The following FRMD4A variants were observed in gnomAD, a reference collection of about 807,000 sequenced individuals.
FRMD4A encodes FERM domain containing 4A.
A neutral mutation model predicts 129.1 loss-of-function variants in FRMD4A; 29 were observed. The observed-to-expected ratio is 0.22, with a 90% confidence interval of 0.17 to 0.31. The LOEUF (loss-of-function observed/expected upper bound fraction) is 0.31, where lower values mean the gene tolerates loss of function less well. Ranked by LOEUF, FRMD4A falls within the 10% of genes least tolerant of loss-of-function variation. The probability of loss-of-function intolerance (pLI) is 1.00; values close to 1 mark genes in which losing one functional copy is unlikely to be tolerated. For missense variants in FRMD4A, 1,272 were observed against 1,375.8 expected (o/e 0.92, Z 1.19); for synonymous variants, 634 against 571.6 (o/e 1.11, Z -1.56).
intron 12 of FRMD4A, among the ~76,000 whole-genome samples, chr10:13,724,794 G>A (rs2089762928): frequency 6.6e-6 from 1 of 152,228 alleles, no homozygotes. Flanking sequence ...GCCTTTCTCA[G>A]TGCTGGTCCA....
intron 2 of FRMD4A, among the ~76,000 whole-genome samples, chr10:13,980,671 G>A (rs1223959409): frequency 6.6e-6 from 1 of 152,190 alleles, no homozygotes; most frequent in East Asian, 1.9e-4. Flanking sequence ...AGTGAGCTAT[G>A]ATTGCACCAC....
At chr10:14,298,989 T>C (rs1363409343) in intron 2 of FRMD4A, among the ~76,000 whole-genome samples, 2 of 152,172 alleles carry the variant, frequency 1.3e-5, no homozygotes, top group African/African-American at 4.8e-5. Context: ...AAAAAGAGTT[T>C]GCCAAAGGAT....
chr10:14,315,292 C>G (rs1846697762), intron 2 of FRMD4A, among the ~76,000 whole-genome samples: 1 of 152,170 alleles, frequency 6.6e-6, no homozygotes. Flanking sequence ...CTAACCACAG[C>G]TACATACCTC....
At chr10:13,996,118 G>A (rs1177850425) in intron 2 of FRMD4A, among the ~76,000 whole-genome samples, 2 of 152,208 alleles carry the variant, frequency 1.3e-5, no homozygotes, top group Non-Finnish European at 2.9e-5. Context: ...CTCACATGGT[G>A]GAAGGGACTA....
intron 3 of FRMD4A, among the ~76,000 whole-genome samples, chr10:13,818,555 A>G (rs1327796651): frequency 1.3e-5 from 2 of 152,146 alleles, no homozygotes; most frequent in Non-Finnish European, 2.9e-5. Context: ...CACCCATTCG[A>G]AAAAACTTGA....
intron 24 of FRMD4A, 85 bp downstream of exon 24, chr10:13,651,818 T>C: frequency 1.3e-6 from 1 of 776,126 alleles, no homozygotes; most frequent in Non-Finnish European, 2.4e-6. Flanking sequence ...AGATGTATCC[T>C]TGTGGAAATG....
At chr10:13,913,348 G>T (rs978521572) in intron 2 of FRMD4A, among the ~76,000 whole-genome samples, 1 of 152,184 alleles carries the variant, frequency 6.6e-6, no homozygotes, top group Non-Finnish European at 1.5e-5. Flanking sequence ...TGGTAAAGAT[G>T]TTGTAAAATT....
At chr10:14,090,102 G>A (rs1397845124) in intron 2 of FRMD4A, among the ~76,000 whole-genome samples, 1 of 152,182 alleles carries the variant, frequency 6.6e-6, no homozygotes, top group African/African-American at 2.4e-5. Context: ...AATATTTATA[G>A]CAGGGATCTA....
At chr10:13,658,150 A>AG (rs1380941885) in intron 21 of FRMD4A, among the ~76,000 whole-genome samples, 30 of 151,088 alleles carry the variant, frequency 2.0e-4, no homozygotes, top group Admixed American at 8.6e-4. Context: ...AAAAAAAAAA[A>AG]AAAAAAAGAA....
intron 2 of FRMD4A, among the ~76,000 whole-genome samples, chr10:14,144,426 A>G (rs1839982028): frequency 6.6e-6 from 1 of 152,148 alleles, no homozygotes; most frequent in South Asian, 2.1e-4. Context: ...TTAAATCTAC[A>G]GTGTGGTCAG....
intron 2 of FRMD4A, among the ~76,000 whole-genome samples, chr10:14,259,587 T>C (rs1289650376): frequency 1.3e-5 from 2 of 152,196 alleles, no homozygotes; most frequent in East Asian, 3.8e-4. Context: ...TCTGGGGCTA[T>C]TTTAACTTTT....
intron 2 of FRMD4A, among the ~76,000 whole-genome samples, chr10:14,018,070 C>G (rs775680261): frequency 1.8e-4 from 27 of 152,042 alleles, no homozygotes; most frequent in Admixed American, 5.9e-4. Flanking sequence ...ACCTCTATGG[C>G]ACGAATGCAG....
intron 5 of FRMD4A, among the ~76,000 whole-genome samples, chr10:13,786,176 A>G (rs970879486): frequency 4.6e-5 from 7 of 152,230 alleles, no homozygotes; most frequent in African/African-American, 1.7e-4. Context: ...TTCTAATTCT[A>G]GATCCTTGAG....
chr10:14,227,243 C>CTTTTT (rs10674411), intron 2 of FRMD4A, among the ~76,000 whole-genome samples: 1,695 of 64,120 alleles, frequency 0.026, 512 homozygotes, highest in Middle Eastern at 0.052. Flanking sequence ...TCTTCTTCTT[C>CTTTTT]TTTTTTTTTT....
chr10:14,014,754 C>T (rs1229598023), intron 2 of FRMD4A, among the ~76,000 whole-genome samples: 1 of 152,234 alleles, frequency 6.6e-6, no homozygotes, highest in African/African-American at 2.4e-5. Flanking sequence ...TGTGGGAAAG[C>T]TTTCTCTTGG....
intron 2 of FRMD4A, among the ~76,000 whole-genome samples, chr10:14,088,880 G>A (rs1364303083): frequency 6.6e-6 from 1 of 152,004 alleles, no homozygotes; most frequent in Non-Finnish European, 1.5e-5. Flanking sequence ...CCATAAAGAG[G>A]CAGTCACGGT....
intron 24 of FRMD4A, chr10:13,649,751 T>C (rs878867001): frequency 6.6e-6 from 1 of 152,222 alleles, no homozygotes; most frequent in Non-Finnish European, 1.5e-5. Context: ...TGCCTTTCAG[T>C]ACAAATTCAA....
chr10:14,211,390 G>A (rs1209244430), intron 2 of FRMD4A, among the ~76,000 whole-genome samples: 1 of 152,156 alleles, frequency 6.6e-6, no homozygotes, highest in African/African-American at 2.4e-5. Flanking sequence ...AGTCACGTGG[G>A]TCTGGTTTGA....
At chr10:14,009,419 T>C (rs762328084) in intron 2 of FRMD4A, among the ~76,000 whole-genome samples, 31 of 152,206 alleles carry the variant, frequency 2.0e-4, no homozygotes, top group Admixed American at 3.3e-4. Context: ...CCCGTGGTTT[T>C]TGGTATTAGC....
Sources: gnomAD v4.1 joint callset for allele counts (sites outside exome capture counted in the v4.1 genomes callset) on GRCh38, gnomAD v4.1.1 for gene constraint, MANE v1.5 for transcripts, NCBI Gene and HGNC (gene_info 2026-07-23, HGNC 2026-07-21) for gene names.